SYCP2L: variants seen among roughly 807,000 people sequenced by gnomAD.
SYCP2L encodes the protein synaptonemal complex protein 2-like.
In SYCP2L, 98 loss-of-function variants were observed where a neutral mutation model predicts 125.8. The observed-to-expected ratio is 0.78, with a 90% confidence interval of 0.66 to 0.92. SYCP2L has a LOEUF of 0.92. SYCP2L is among the 40% of genes least tolerant of loss of function. The probability of loss-of-function intolerance (pLI) is 0.00; values close to 1 mark genes in which losing one functional copy is unlikely to be tolerated. For synonymous variants in SYCP2L, 317 were observed against 325.4 expected, an observed-to-expected ratio of 0.97 and a Z score of 0.28; for missense variants, 842 against 936.4, an observed-to-expected ratio of 0.90 and a Z score of 1.32.
chr6:10,922,379 T>C (rs938678073), intron 14 of SYCP2L, among the ~76,000 whole-genome samples: 1 of 152,176 alleles, frequency 6.6e-6, no homozygotes, highest in Admixed American at 6.5e-5. Context: ...CAGTGTAGTA[T>C]GTTGGAAGCT....
At chr6:10,966,112 CAATAAT>C (rs34443540) in intron 29 of SYCP2L, among the ~76,000 whole-genome samples, 1 of 151,132 alleles carries the variant, frequency 6.6e-6, no homozygotes, top group African/African-American at 2.4e-5. Context: ...TACTCTGTCT[CAATAAT>C]AATAATAATA....
intron 1 of SYCP2L, 107 bp downstream of exon 1, chr6:10,887,242 A>G: frequency 2.0e-6 from 3 of 1,484,142 alleles, no homozygotes; most frequent in Non-Finnish European, 2.8e-6. Context: ...GTTCGCTCAG[A>G]GACCGGGTGC....
chr6:10,961,631 C>A, intron 28 of SYCP2L, 73 bp downstream of exon 28: 1 of 1,455,182 alleles, frequency 6.9e-7, no homozygotes, highest in Non-Finnish European at 9.6e-7. Flanking sequence ...AGAGAATGGG[C>A]AGTTGGTGAC....
intron 14 of SYCP2L, among the ~76,000 whole-genome samples, chr6:10,914,475 T>C (rs1178450224): frequency 2.6e-5 from 4 of 152,218 alleles, no homozygotes. Context: ...TAGTCTTGCT[T>C]TGGCTACGTG....
chr6:10,893,946 A>G lies in SYCP2L; in HGVS notation c.158A>G (p.His53Arg). ...GAATACTTTCAACAGAAAGAGAGCC[A>G]CTTTCCTCAAAAATATAATCGTCTT... ...IKEYFQQKESHFPQKYNRLLL... is the reference protein window; with the variant it reads ...IKEYFQQKESRFPQKYNRLLL... The change falls in exon 3 of 30, where the codon CAC becomes CGC. Residue 53 changes from histidine (H) to arginine (R), a missense_variant. By Grantham distance (29) the His-to-Arg change is conservative (BLOSUM62 0). Coordinates refer to ENST00000283141, the MANE Select transcript of SYCP2L (RefSeq NM_001040274.3). 1 of 1,612,486 alleles carries G rather than the reference A, an allele frequency of 6.2e-7. No homozygotes were observed. The highest frequency in any genetic ancestry group is 8.5e-7 in the Non-Finnish European group (1 of 1,179,582).
intron 9 of SYCP2L, among the ~76,000 whole-genome samples, chr6:10,907,259 A>G (rs1482915041): frequency 6.6e-6 from 1 of 151,946 alleles, no homozygotes; most frequent in Admixed American, 6.6e-5. Flanking sequence ...CAGGAGAATC[A>G]CTTGACCCAG....
chr6:10,928,251 A>AG, intron 17 of SYCP2L, 152 bp from the exon 18 acceptor site: 1 of 472,564 alleles, frequency 2.1e-6, no homozygotes, highest in Non-Finnish European at 3.7e-6. Flanking sequence ...AGGCATAGGA[A>AG]ATCACAAGGG....
At chr6:10,907,518 G>A (rs748407257) in intron 9 of SYCP2L, 24 bp from the exon 10 acceptor site, 2 of 1,595,264 alleles carry the variant, frequency 1.3e-6, no homozygotes, top group African/African-American at 1.4e-5. Context: ...AATTATCTAT[G>A]TCTACTATGT....
Position 10,938,737 on chromosome 6 carries a change from G to A in SYCP2L, c.1813+3550G>A, listed in dbSNP as rs1781154468. On this transcript the variant is annotated intron_variant, in intron 21 of 29. Coordinates refer to ENST00000283141, the MANE Select transcript of SYCP2L (RefSeq NM_001040274.3). ...ATACAAAATCAACATACAAAAATCA[G>A]TTGTGGGGTTTGCTTCTGGGTTTCA... Among the ~76,000 whole-genome samples, 3 of 152,154 alleles carry A rather than the reference G, an allele frequency of 2.0e-5. No homozygotes were observed. The South Asian group carries it at 6.2e-4, about 32-fold the overall frequency.
chr6:10,929,345 G>A (rs533479711), intron 18 of SYCP2L, among the ~76,000 whole-genome samples: 1 of 152,284 alleles, frequency 6.6e-6, no homozygotes, highest in East Asian at 1.9e-4. Context: ...CCTGAAATGA[G>A]AATGAACTAT....
intron 19 of SYCP2L, among the ~76,000 whole-genome samples, 164 bp downstream of exon 19, chr6:10,930,678 A>G (rs1780980225): frequency 6.6e-6 from 1 of 152,256 alleles, no homozygotes; most frequent in African/African-American, 2.4e-5. Flanking sequence ...TACTGTGTAC[A>G]TGAAACAGAA....
intron 25 of SYCP2L, among the ~76,000 whole-genome samples, chr6:10,957,864 G>A (rs1781527446): frequency 6.6e-6 from 1 of 152,136 alleles, no homozygotes; most frequent in African/African-American, 2.4e-5. Context: ...GAGGTGGACT[G>A]TGGGTTGGTG....
intron 2 of SYCP2L, 85 bp downstream of exon 2, chr6:10,891,666 T>C: frequency 1.2e-6 from 1 of 847,530 alleles, no homozygotes; most frequent in Non-Finnish European, 1.8e-6. Flanking sequence ...TGTGTGTGTA[T>C]GTGTATATGA....
intron 25 of SYCP2L, 48 bp from the exon 26 acceptor site, chr6:10,958,736 T>C (rs1213685354): frequency 5.2e-6 from 8 of 1,530,038 alleles, no homozygotes; most frequent in Non-Finnish European, 7.2e-6. Flanking sequence ...ACTCAACTTA[T>C]GTAATTATAT....
chr6:10,906,470 A>C (rs1357027004), intron 9 of SYCP2L, among the ~76,000 whole-genome samples: 2 of 152,216 alleles, frequency 1.3e-5, no homozygotes, highest in Non-Finnish European at 2.9e-5. Context: ...AGATTTTAAA[A>C]GCATTCTATA....
chr6:10,956,078 G>A, intron 24 of SYCP2L, 58 bp from the exon 25 acceptor site: 5 of 1,389,016 alleles, frequency 3.6e-6, no homozygotes, highest in South Asian at 2.4e-5. Flanking sequence ...GATGAATTGA[G>A]CAAGTCTACT....
chr6:10,931,334 G>A (rs1157634344), intron 19 of SYCP2L, 106 bp from the exon 20 acceptor site: 4 of 1,049,978 alleles, frequency 3.8e-6, no homozygotes, highest in Non-Finnish European at 5.9e-6. Context: ...GAAGCTGTAG[G>A]AAGTGGGAAT....
chr6:10,903,748 C>G (rs1780433133), intron 8 of SYCP2L, among the ~76,000 whole-genome samples: 1 of 151,222 alleles, frequency 6.6e-6, no homozygotes, highest in Non-Finnish European at 1.5e-5. Flanking sequence ...GAGACTCTGT[C>G]TCAAAAAAAT....
chr6:10,955,010 G>T (rs1781476351), intron 23 of SYCP2L, 106 bp from the exon 24 acceptor site: 1 of 751,482 alleles, frequency 1.3e-6, no homozygotes, highest in Admixed American at 2.1e-5. Context: ...TTAGCAACAG[G>T]CAGGGGACAA....
Sources: allele counts gnomAD v4.1 joint callset (sites outside exome capture counted in the v4.1 genomes callset), GRCh38; gene constraint gnomAD v4.1.1; transcripts MANE v1.5; gene names NCBI Gene and HGNC (gene_info 2026-07-23, HGNC 2026-07-21).